TRIO: variants seen among roughly 807,000 people sequenced by gnomAD.
The protein encoded by TRIO is trio Rho guanine nucleotide exchange factor, also known as triple functional domain protein.
Under a neutral mutation model 351.9 loss-of-function variants are expected in TRIO, and 58 were observed. That is an observed-to-expected ratio of 0.16 (90% CI 0.13 to 0.21). TRIO has a LOEUF of 0.21. Ranked by LOEUF, TRIO falls within the 10% of genes least tolerant of loss-of-function variation. The pLI is 1.00. For synonymous variants in TRIO, 1,758 were observed against 1,595.7 expected (o/e 1.10, Z -2.42); for missense variants, 3,201 against 4,027.8 (o/e 0.79, Z 5.56).
At chr5:14,372,082 C>T (rs968315162) in intron 18 of TRIO, among the ~76,000 whole-genome samples, 1 of 152,200 alleles carries the variant, frequency 6.6e-6, no homozygotes, top group African/African-American at 2.4e-5. Flanking sequence ...TGAAGAAATA[C>T]GTTCCTCGGA....
At chr5:14,488,378 C>G (rs1013791247) in intron 48 of TRIO, 118 bp downstream of exon 48, 3 of 1,419,190 alleles carry the variant, frequency 2.1e-6, no homozygotes, top group Non-Finnish European at 2.8e-6. Flanking sequence ...CCGCCCGTTG[C>G]GGCCTCTACC....
intron 34 of TRIO, among the ~76,000 whole-genome samples, chr5:14,447,924 C>T (rs565466704): frequency 6.6e-6 from 1 of 152,282 alleles, no homozygotes; most frequent in Admixed American, 6.5e-5. Context: ...GCTTATTTCC[C>T]CCAGAATTAA....
intron 7 of TRIO, among the ~76,000 whole-genome samples, chr5:14,298,292 G>A (rs1479721883): frequency 1.3e-5 from 2 of 152,188 alleles, no homozygotes; most frequent in Non-Finnish European, 2.9e-5. Context: ...CAAAATGAAA[G>A]GGATTTGCTC....
intron 11 of TRIO, among the ~76,000 whole-genome samples, chr5:14,337,230 A>T (rs1043278862): frequency 6.6e-6 from 1 of 152,218 alleles, no homozygotes; most frequent in Non-Finnish European, 1.5e-5. Flanking sequence ...AGCTCATCTC[A>T]TGACAAGAAA....
At chr5:14,187,005 A>T (rs1314685749) in intron 1 of TRIO, among the ~76,000 whole-genome samples, 4 of 152,172 alleles carry the variant, frequency 2.6e-5, no homozygotes, top group Non-Finnish European at 5.9e-5. Flanking sequence ...ATTTGTGCAA[A>T]TTAGATAGGG....
chr5:14,488,065 G>A lies in TRIO; in HGVS notation c.7437G>A (p.Leu2479=), dbSNP rs1183057874. ...AGCCCTTCCCCCCCAGCAGCCCCCT[G>A]CAGAAGGGGGGCTCCTTCTGGAGCT... ...GKEPFPPSSP[L]QKGGSFWSSI... Residue 2479 remains leucine, a synonymous_variant, in exon 48 of 57, where the codon CTG becomes CTA. Transcript: ENST00000344204. 7 of 1,609,946 alleles carry A rather than the reference G, an allele frequency of 4.3e-6. No homozygotes were observed. The highest frequency in any genetic ancestry group is 5.1e-6 in the Non-Finnish European group (6 of 1,179,026).
At chr5:14,437,026 A>C (rs558542288) in intron 34 of TRIO, among the ~76,000 whole-genome samples, 2 of 152,306 alleles carry the variant, frequency 1.3e-5, no homozygotes, top group East Asian at 3.9e-4. Flanking sequence ...CATCATACTG[A>C]AGTGTCTGCA....
At chr5:14,348,993 A>G (rs1742740627) in intron 11 of TRIO, among the ~76,000 whole-genome samples, 1 of 145,584 alleles carries the variant, frequency 6.9e-6, no homozygotes, top group Non-Finnish European at 1.5e-5. Context: ...ATGTGTGCGC[A>G]CGCACATGAG....
intron 9 of TRIO, among the ~76,000 whole-genome samples, chr5:14,326,196 A>C (rs1740368397): frequency 6.6e-6 from 1 of 152,194 alleles, no homozygotes; most frequent in Non-Finnish European, 1.5e-5. Context: ...GGCTCACTGC[A>C]CACACAGCCT....
At chr5:14,477,477 C>T (rs1755169482) in intron 41 of TRIO, 2 of 152,240 alleles carry the variant, frequency 1.3e-5, no homozygotes, top group Admixed American at 1.3e-4. Flanking sequence ...CTTCTGCATC[C>T]AACTCATTGC....
At chr5:14,506,903 C>T (rs1041393178) in intron 55 of TRIO, among the ~76,000 whole-genome samples, 1 of 152,182 alleles carries the variant, frequency 6.6e-6, no homozygotes, top group Non-Finnish European at 1.5e-5. Flanking sequence ...CCACCGGCTT[C>T]CCTCTTAAGA....
intron 5 of TRIO, among the ~76,000 whole-genome samples, chr5:14,291,759 G>A (rs30630): frequency 0.77 from 111,361 of 145,352 alleles, 42,872 homozygotes; most frequent in Middle Eastern, 0.81. Flanking sequence ...ATTGCATTTC[G>A]GCCTGGGCGA....
At chr5:14,485,743 TG>T (rs1474250479) in intron 47 of TRIO, among the ~76,000 whole-genome samples, 1 of 152,074 alleles carries the variant, frequency 6.6e-6, no homozygotes, top group Non-Finnish European at 1.5e-5. Context: ...CCCAGCACTT[TG>T]GGAGGCCAAG....
At chr5:14,168,954 CAGGG>C (rs1788938405) in intron 1 of TRIO, among the ~76,000 whole-genome samples, 1 of 152,228 alleles carries the variant, frequency 6.6e-6, no homozygotes, top group African/African-American at 2.4e-5. Context: ...AGCTGTGAAA[CAGGG>C]AGGCCTTGCC....
At chr5:14,181,768 A>C (rs544117351) in intron 1 of TRIO, among the ~76,000 whole-genome samples, 3 of 152,164 alleles carry the variant, frequency 2.0e-5, no homozygotes, top group African/African-American at 7.2e-5. Flanking sequence ...AGAGTCTTGA[A>C]TGGATGGCAG....
rs148432688 is a variant in TRIO at position 14,281,493 on chromosome 5, T to A, written c.347+1057T>A. On this transcript the variant is annotated intron_variant, in intron 3 of 56. Coordinates refer to ENST00000344204, the MANE Select transcript of TRIO (RefSeq NM_007118.4). The stretch of plus-strand genomic sequence containing the variant: ...TACCTCCAACATTGGGGGTTACAGT[T>A]CAACATGAGATTTGGGTGGGGACAC... Among the ~76,000 whole-genome samples, 20 of 136,392 alleles carry A rather than the reference T, an allele frequency of 1.5e-4. No individual in the cohort carries two copies. In the East Asian group the frequency reaches 4.5e-3, roughly 31 times the overall value. The allele number at this position is 136,392 out of a possible 152,430, so 89.5% of individuals were successfully genotyped here.
At chr5:14,275,046 A>C (rs1735375026) in intron 2 of TRIO, among the ~76,000 whole-genome samples, 1 of 152,154 alleles carries the variant, frequency 6.6e-6, no homozygotes, top group Admixed American at 6.5e-5. Context: ...TCTGGGGGAA[A>C]ACACACACAC....
chr5:14,369,016 T>A lies in TRIO; in HGVS notation c.3066+117T>A, dbSNP rs1033374665. On this transcript the variant is annotated intron_variant, in intron 17 of 56. Transcript: ENST00000344204. ...CGTTATTGAAACAATCAGTTGCCAGTCAAGCAGGGAAAAGGCATTCTGGAG... is the reference window on the plus strand; with the variant it reads ...CGTTATTGAAACAATCAGTTGCCAGACAAGCAGGGAAAAGGCATTCTGGAG... 189 of 1,305,450 alleles carry A rather than the reference T, an allele frequency of 1.4e-4. 2 individuals are homozygous for A. The highest frequency in any genetic ancestry group is 2.2e-4 in the Middle Eastern group (1 of 4,572). 80.9% of individuals were successfully genotyped at this position (1,305,450 alleles called of 1,614,324 possible).
intron 1 of TRIO, among the ~76,000 whole-genome samples, chr5:14,149,811 G>T (rs936979761): frequency 3.3e-5 from 5 of 152,200 alleles, no homozygotes; most frequent in Non-Finnish European, 7.3e-5. Flanking sequence ...GTGCATTTTA[G>T]CAGTTACACT....
Sources: allele counts gnomAD v4.1 joint callset (sites outside exome capture counted in the v4.1 genomes callset), GRCh38; gene constraint gnomAD v4.1.1; transcripts MANE v1.5; gene names NCBI Gene and HGNC (gene_info 2026-07-23, HGNC 2026-07-21).